The following TBCD variants were observed in gnomAD, a reference collection of about 807,000 sequenced individuals.
TBCD encodes tubulin folding cofactor D.
TBCD carries 105 observed loss-of-function variants against 169.3 expected under a neutral mutation model. The ratio of observed to expected loss-of-function variants is 0.62; its 90% CI spans 0.53 to 0.73. The LOEUF (loss-of-function observed/expected upper bound fraction) is 0.73. TBCD is among the 30% of genes least tolerant of loss of function. The pLI is 0.00. For synonymous variants in TBCD, 700 were observed against 643.9 expected (o/e 1.09, Z -1.32); for missense variants, 1,444 against 1,600.1 (o/e 0.90, Z 1.66).
chr17:82,907,075 C>A (rs117703302), intron 20 of TBCD, among the ~76,000 whole-genome samples: 1 of 152,352 alleles, frequency 6.6e-6, no homozygotes. Flanking sequence ...GGTCTGGCCA[C>A]GTGGGCACCT....
At chr17:82,859,410 C>G (rs74002592) in intron 13 of TBCD, among the ~76,000 whole-genome samples, 1,478 of 141,610 alleles carry the variant, frequency 0.01, 10 homozygotes, top group African/African-American at 0.035. Flanking sequence ...GGCTCTGTGT[C>G]CTCCCCGCAC....
At chr17:82,775,075 C>T (rs2048504305) in intron 6 of TBCD, among the ~76,000 whole-genome samples, 1 of 152,236 alleles carries the variant, frequency 6.6e-6, no homozygotes, top group Non-Finnish European at 1.5e-5. Context: ...GAGTACTTCT[C>T]CCTCCGTGGG....
intron 2 of TBCD, among the ~76,000 whole-genome samples, chr17:82,757,471 C>T (rs543529651): frequency 3.3e-5 from 5 of 151,774 alleles, no homozygotes; most frequent in African/African-American, 4.8e-5. Context: ...TAATACAAAA[C>T]GTTAGCTGGG....
Position 82,781,607 on chromosome 17 carries a change from T to C in TBCD, c.657T>C (p.Asp219=), listed in dbSNP as rs376471716. 87 of 1,613,618 alleles carry C rather than the reference T, an allele frequency of 5.4e-5. No individual in the cohort carries two copies. Among genetic ancestry groups the C allele is most frequent in the Non-Finnish European group, 7.2e-5 (85 of 1,179,858 alleles). Residue 219 remains aspartate, a synonymous_variant, in exon 7 of 39, where the codon GAT becomes GAC. Transcript: ENST00000355528. ...TTGGCAGATTTATCACACGTCCTGATGTCAAGCAAAGCAAGATGGCTGAGT... is the reference window on the plus strand; with the variant it reads ...TTGGCAGATTTATCACACGTCCTGACGTCAAGCAAAGCAAGATGGCTGAGT... The part of the protein sequence containing the change: ...VLVSRFITRP[D]VKQSKMAEFL...
In TBCD at chr17:82,831,174, G is replaced by A. The variant is rs747644446; in HGVS notation, c.1318+16240G>A. ...TGTTGGAGAGGTCGTACAGGCCTTCGCAGGTCTGGCTCGTCTGCATGAAGT... is the reference window on the plus strand; with the variant it reads ...TGTTGGAGAGGTCGTACAGGCCTTCACAGGTCTGGCTCGTCTGCATGAAGT... On this transcript the variant is annotated intron_variant, in intron 13 of 38. Transcript: ENST00000355528. This position sits in a 1 kb window ranked among gnomAD's most constrained non-coding sequence, Gnocchi z 4.6. 3 of 1,614,022 alleles carry A rather than the reference G, an allele frequency of 1.9e-6. No homozygotes were observed. The highest frequency in any genetic ancestry group is 2.7e-5 in the African/African-American group (2 of 74,936).
At chr17:82,921,466 G>C in intron 24 of TBCD, 35 bp from the exon 25 acceptor site, 2 of 1,583,504 alleles carry the variant, frequency 1.3e-6, no homozygotes, top group Non-Finnish European at 1.7e-6. Context: ...TGGTGTTTTT[G>C]ATTGCCTGGG....
chr17:82,767,325 C>T lies in TBCD; in HGVS notation c.435+957C>T, dbSNP rs970931327. Among the ~76,000 whole-genome samples, 6 of 152,342 alleles carry T rather than the reference C, an allele frequency of 3.9e-5. No individual in the cohort carries two copies. In the East Asian group the frequency reaches 1.2e-3, roughly 29 times the overall value. ...CCCTGCACTCCGTGCCCTTCTTTCC[C>T]TAGTACTTCTAGCGCCCCCCAGTGG... On this transcript the variant is annotated intron_variant, in intron 4 of 38. Coordinates refer to ENST00000355528, the MANE Select transcript of TBCD (RefSeq NM_005993.5).
rs543435991 is a variant in TBCD, at chr17:82,792,121, A to G, written c.772-5636A>G. On this transcript the variant is annotated intron_variant, in intron 7 of 38. Coordinates refer to ENST00000355528, the MANE Select transcript of TBCD (RefSeq NM_005993.5). ...TCAAGAGATCGAGACCATCCTGGCT[A>G]AAATGGTGAAACCCCATCTCTACTA... Among the ~76,000 whole-genome samples, 10 of 152,316 alleles carry G rather than the reference A, an allele frequency of 6.6e-5. No homozygotes were observed. The South Asian group carries it at 2.1e-3, about 32-fold the overall frequency.
chr17:82,821,049 A>G (rs1733988428), intron 13 of TBCD, among the ~76,000 whole-genome samples: 1 of 152,102 alleles, frequency 6.6e-6, no homozygotes, highest in Admixed American at 6.5e-5. Context: ...TCAACCTCCC[A>G]GGCCCAAGCA....
In TBCD at chr17:82,890,636, T is replaced by A. The variant is rs1172156482; in HGVS notation, c.1563+939T>A. On this transcript the variant is annotated intron_variant, in intron 16 of 38. Transcript: ENST00000355528. The surrounding 1 kb of genome is among the most constrained non-coding windows in gnomAD (Gnocchi z 5.3). ...TTCTGGAGGAGCCTGGCGTGAGTGG[T>A]GTGGGCGGCTTTCTGTAGACGGAGC... Among the ~76,000 whole-genome samples, 1 of 151,856 alleles carries A rather than the reference T, an allele frequency of 6.6e-6. No homozygotes were observed. The highest frequency in any genetic ancestry group is 1.5e-5 in the Non-Finnish European group (1 of 67,960).
In TBCD at chr17:82,897,347, G is replaced by A. The variant is rs558110488; in HGVS notation, c.1650-3304G>A. Among the ~76,000 whole-genome samples, 363 of 151,898 alleles carry A rather than the reference G, an allele frequency of 2.4e-3. 1 individual carries two copies. Among genetic ancestry groups the A allele is most frequent in the African/African-American group, 8.0e-3 (331 of 41,430 alleles). ...ATCCTGGCCAACATGGTGAAACCCC[G>A]TCTCTACCAAAAATGCAAAAATTAG... On this transcript the variant is annotated intron_variant, in intron 17 of 38. Coordinates refer to ENST00000355528, the MANE Select transcript of TBCD (RefSeq NM_005993.5).
rs2060352660 is a variant in TBCD at position 82,907,758 on chromosome 17, C to G, written c.1923-3C>G. 6.2e-7 allele frequency: 1 copy of G among 1,613,596 alleles called. No homozygotes were observed. Among genetic ancestry groups the G allele is most frequent in the Non-Finnish European group, 8.5e-7 (1 of 1,179,764 alleles). On this transcript the variant is annotated splice_polypyrimidine_tract_variant and splice_region_variant and intron_variant, in intron 20 of 38. Coordinates refer to ENST00000355528, the MANE Select transcript of TBCD (RefSeq NM_005993.5). The stretch of plus-strand genomic sequence containing the variant: ...CTTCAGCTCTGTGTTTGAACTTCTG[C>G]AGGCCCGTCACGGACCATCTGGACG...
chr17:82,833,263 C>T lies in TBCD; in HGVS notation c.1318+18329C>T, dbSNP rs118172516. On this transcript the variant is annotated intron_variant, in intron 13 of 38. Transcript: ENST00000355528. The surrounding 1 kb of genome is among the most constrained non-coding windows in gnomAD (Gnocchi z 4.7). ...GCTGGGAGCTCTCCCAAGTGCTGTG[C>T]GCCCCTGCCGTCGGCCTGTAGAACC... Among the ~76,000 whole-genome samples the T allele has an allele frequency of 0.011, 1,692 of 152,178 alleles. 15 individuals are homozygous for T. Among genetic ancestry groups the T allele is most frequent in the Non-Finnish European group, 0.018 (1,219 of 68,008 alleles).
chr17:82,936,399 G>A (rs958260492), intron 34 of TBCD, among the ~76,000 whole-genome samples: 7 of 152,188 alleles, frequency 4.6e-5, no homozygotes, highest in South Asian at 2.1e-4. Flanking sequence ...TTCCGTGCCC[G>A]GTGTTCATCC....
chr17:82,753,885 T>TTTTTTG (rs2047256418), intron 1 of TBCD, among the ~76,000 whole-genome samples: 1 of 123,424 alleles, frequency 8.1e-6, no homozygotes, highest in African/African-American at 3.1e-5. Flanking sequence ...TTTTTTTTTT[T>TTTTTTG]GAGGCGGAGT....
At chr17:82,908,555 G>T in intron 21 of TBCD, 2 of 312,052 alleles carry the variant, frequency 6.4e-6, no homozygotes, top group Non-Finnish European at 1.2e-5. Context: ...GATTCAGCTC[G>T]GATTCTTATC....
chr17:82,893,163 G>T (rs564577638), intron 16 of TBCD: 23 of 233,762 alleles, frequency 9.8e-5, no homozygotes, highest in African/African-American at 5.3e-4. Context: ...CCAGCTTTGT[G>T]GCACTTTGTG....
In TBCD at chr17:82,814,587, C is replaced by G. The variant is rs190109925; in HGVS notation, c.1224-253C>G. ...CTAGAGTGCAGTGGCGCGATCTCAGCTCACTGCAACCTCCGCCTCCCTGGT... is the reference window on the plus strand; with the variant it reads ...CTAGAGTGCAGTGGCGCGATCTCAGGTCACTGCAACCTCCGCCTCCCTGGT... On this transcript the variant is annotated intron_variant, in intron 12 of 38. Transcript: ENST00000355528. Among the ~76,000 whole-genome samples the G allele has an allele frequency of 6.6e-5, 10 of 152,350 alleles. No homozygotes were observed. In the East Asian group the frequency reaches 1.9e-3, roughly 29 times the overall value.
intron 7 of TBCD, among the ~76,000 whole-genome samples, chr17:82,796,331 A>T (rs1334498618): frequency 1.3e-5 from 2 of 152,274 alleles, no homozygotes; most frequent in Non-Finnish European, 2.9e-5. Flanking sequence ...CTGGTGTGAA[A>T]TAATTTAACT....
Sources: gnomAD v4.1 joint callset for allele counts (sites outside exome capture counted in the v4.1 genomes callset) on GRCh38, gnomAD v4.1.1 for gene constraint, Gnocchi (gnomAD v3.1) non-coding constraint, MANE v1.5 for transcripts, NCBI Gene and HGNC (gene_info 2026-07-23, HGNC 2026-07-21) for gene names.